The following GRID2 variants were observed in gnomAD, a reference collection of about 807,000 sequenced individuals.
The protein encoded by GRID2 is glutamate ionotropic receptor delta type subunit 2.
In GRID2, 33 loss-of-function variants were observed where a neutral mutation model predicts 114.8. The observed-to-expected ratio is 0.29, with a 90% CI of 0.22 to 0.38. The LOEUF (loss-of-function observed/expected upper bound fraction) is 0.38. GRID2 is among the 10% of genes least tolerant of loss of function. The pLI is 1.00. For synonymous variants in GRID2, 505 were observed against 449.9 expected, an observed-to-expected ratio of 1.12 and a Z score of -1.55; for missense variants, 1,184 against 1,257.7, an observed-to-expected ratio of 0.94 and a Z score of 0.89.
At chr4:92,590,421 C>T (rs551817212) in intron 2 of GRID2, 135 bp downstream of exon 2, 1 of 617,686 alleles carries the variant, frequency 1.6e-6, no homozygotes, top group Non-Finnish European at 2.8e-6. Flanking sequence ...CCTTGGAGAT[C>T]ACTGTTTTGT....
rs1346343868 is a variant in GRID2 at position 93,288,527 on chromosome 4, G to T, written c.1245+50037G>T. Reference sequence around the variant, plus strand: ...ATGGCCACTATCTTGCAGGAGAAATGGAGTCTAACTGCCTCAGGTGCTCCA... The same window carrying T: ...ATGGCCACTATCTTGCAGGAGAAATTGAGTCTAACTGCCTCAGGTGCTCCA... On this transcript the variant is annotated intron_variant, in intron 8 of 15. Transcript: ENST00000282020. Among the ~76,000 whole-genome samples the T allele has an allele frequency of 3.9e-5, 6 of 152,218 alleles. 1 individual carries two copies. The Middle Eastern group carries it at 0.01, about 259-fold the overall frequency.
At chr4:93,682,906 A>G (rs1560901927) in intron 14 of GRID2, among the ~76,000 whole-genome samples, 1 of 151,618 alleles carries the variant, frequency 6.6e-6, no homozygotes, top group Admixed American at 6.6e-5. Context: ...CATTGTGCAC[A>G]TGTACCCTAA....
intron 13 of GRID2, among the ~76,000 whole-genome samples, chr4:93,555,916 C>T (rs570086607): frequency 6.6e-6 from 1 of 152,338 alleles, no homozygotes; most frequent in African/African-American, 2.4e-5. Flanking sequence ...AAGGAACAGG[C>T]AGCAGTCTTT....
intron 8 of GRID2, among the ~76,000 whole-genome samples, chr4:93,384,679 T>C (rs1189773776): frequency 6.6e-6 from 1 of 152,200 alleles, no homozygotes; most frequent in Non-Finnish European, 1.5e-5. Flanking sequence ...GGGAGAATGA[T>C]GTATTTACAC....
chr4:92,465,876 A>T (rs1579413211), intron 1 of GRID2, among the ~76,000 whole-genome samples: 1 of 152,136 alleles, frequency 6.6e-6, no homozygotes, highest in African/African-American at 2.4e-5. Flanking sequence ...AACAAACAAA[A>T]TTGTAAATTT....
At chr4:93,085,303 G>T (rs1488000281) in intron 3 of GRID2, 24 bp downstream of exon 3, 1 of 1,568,204 alleles carries the variant, frequency 6.4e-7, no homozygotes, top group South Asian at 1.1e-5. Flanking sequence ...ATTTGTTTAG[G>T]TTTTGTAAGC....
At chr4:92,533,559 C>G (rs1725460981) in intron 1 of GRID2, among the ~76,000 whole-genome samples, 1 of 151,938 alleles carries the variant, frequency 6.6e-6, no homozygotes, top group Non-Finnish European at 1.5e-5. Flanking sequence ...CCTACTCTAC[C>G]CTGTTAGTCA....
intron 1 of GRID2, among the ~76,000 whole-genome samples, chr4:92,534,854 C>T (rs1356936909): frequency 6.6e-6 from 1 of 151,978 alleles, no homozygotes; most frequent in Non-Finnish European, 1.5e-5. Flanking sequence ...ATGAAAGTAG[C>T]CTACTTGAGC....
chr4:92,472,529 T>G lies in GRID2; in HGVS notation c.89-117602T>G, dbSNP rs535497618. On this transcript the variant is annotated intron_variant, in intron 1 of 15. Coordinates refer to ENST00000282020, the MANE Select transcript of GRID2 (RefSeq NM_001510.4). ...AAATTGTTTTAAATGAGTTGTAACA[T>G]TTTACTTTCCCACTGGTAATGTATA... 8.7e-4 allele frequency among the ~76,000 whole-genome samples: 132 copies of G among 152,276 alleles called. 1 individual carries two copies. Among genetic ancestry groups the G allele is most frequent in the African/African-American group, 3.0e-3 (124 of 41,574 alleles).
chr4:93,496,972 G>A (rs1289308242), intron 12 of GRID2, among the ~76,000 whole-genome samples: 1 of 151,614 alleles, frequency 6.6e-6, no homozygotes, highest in African/African-American at 2.4e-5. Flanking sequence ...TTCCAGAGTG[G>A]CTGTACCATT....
At chr4:92,681,322 G>C (rs1272722398) in intron 2 of GRID2, among the ~76,000 whole-genome samples, 2 of 152,158 alleles carry the variant, frequency 1.3e-5, no homozygotes, top group Non-Finnish European at 2.9e-5. Flanking sequence ...TCAATATTGT[G>C]GGTGTGGATC....
rs1175277235 is a variant in GRID2, at chr4:93,741,177, A to G, written c.2361-28033A>G. Among the ~76,000 whole-genome samples the G allele has an allele frequency of 9.0e-4, 26 of 28,978 alleles. No individual in the cohort carries two copies. The Admixed American group carries it at 0.011, about 13-fold the overall frequency. The allele number at this position is 28,978 out of a possible 152,430, so 19.0% of individuals were successfully genotyped here. On this transcript the variant is annotated intron_variant, in intron 14 of 15. Transcript: ENST00000282020. ...TGAGAAACTATATATATATATACAT[A>G]TATATATATATATATATATATATGT... is the stretch of plus-strand genomic sequence containing the variant.
At chr4:93,499,201 C>A (rs534779998) in intron 12 of GRID2, among the ~76,000 whole-genome samples, 2 of 151,768 alleles carry the variant, frequency 1.3e-5, no homozygotes, top group African/African-American at 2.4e-5. Flanking sequence ...ATTATTGATT[C>A]GAGTCAATAA....
chr4:93,238,529 A>C, intron 8 of GRID2, 39 bp downstream of exon 8: 2 of 1,564,816 alleles, frequency 1.3e-6, no homozygotes, highest in Non-Finnish European at 1.7e-6. Flanking sequence ...TTTTTCCTAT[A>C]CTATGGTTTT....
At chr4:92,562,135 A>T (rs190677754) in intron 1 of GRID2, among the ~76,000 whole-genome samples, 17 of 152,232 alleles carry the variant, frequency 1.1e-4, no homozygotes, top group African/African-American at 4.1e-4. Flanking sequence ...TAGTCTAATG[A>T]TCCATTCTTT....
intron 2 of GRID2, among the ~76,000 whole-genome samples, chr4:92,916,634 G>C (rs566122762): frequency 3.3e-5 from 5 of 152,166 alleles, no homozygotes; most frequent in African/African-American, 1.2e-4. Flanking sequence ...CCTTGTGATA[G>C]TTTGCTGAGA....
chr4:92,543,582 G>T (rs1350754465), intron 1 of GRID2, among the ~76,000 whole-genome samples: 2 of 151,982 alleles, frequency 1.3e-5, no homozygotes, highest in Non-Finnish European at 2.9e-5. Flanking sequence ...ATGTGCATTC[G>T]CTTTTGAAAT....
chr4:93,574,012 G>A (rs1385196087), intron 13 of GRID2, among the ~76,000 whole-genome samples: 1 of 152,100 alleles, frequency 6.6e-6, no homozygotes, highest in African/African-American at 2.4e-5. Flanking sequence ...TACTCAATAA[G>A]GATGCTATAA....
intron 2 of GRID2, among the ~76,000 whole-genome samples, chr4:92,611,132 A>G (rs1389227552): frequency 2.5e-4 from 34 of 133,660 alleles, no homozygotes; most frequent in Admixed American, 2.5e-3. Context: ...GTGTGTGTGC[A>G]TGTGTGTGTG....
Sources: allele counts gnomAD v4.1 joint callset (sites outside exome capture counted in the v4.1 genomes callset), GRCh38; gene constraint gnomAD v4.1.1; transcripts MANE v1.5; gene names NCBI Gene and HGNC (gene_info 2026-07-23, HGNC 2026-07-21).